MLXIP: variants seen among roughly 807,000 people sequenced by gnomAD.
The protein encoded by MLXIP is MLX-interacting protein.
Under a neutral mutation model 87.2 loss-of-function variants are expected in MLXIP, and 30 were observed. The observed-to-expected ratio is 0.34, with a 90% CI of 0.26 to 0.47. The LOEUF is 0.47. Ranked by LOEUF, MLXIP falls within the 20% of genes least tolerant of loss-of-function variation. The pLI is 1.00. For synonymous variants in MLXIP, 530 were observed against 514.0 expected (o/e 1.03, Z -0.42); for missense variants, 1,002 against 1,240.1 (o/e 0.81, Z 2.88).
intron 1 of MLXIP, among the ~76,000 whole-genome samples, chr12:122,087,635 G>A (rs1377358125): frequency 1.3e-5 from 2 of 152,240 alleles, no homozygotes; most frequent in South Asian, 2.1e-4. Context: ...AGGTAAGATA[G>A]AAGAGGCAAG....
intron 1 of MLXIP, among the ~76,000 whole-genome samples, chr12:122,113,948 G>A (rs1033695861): frequency 2.7e-5 from 4 of 149,876 alleles, no homozygotes; most frequent in African/African-American, 4.9e-5. Flanking sequence ...GCCTCCCAAA[G>A]TGCTGGGATT....
intron 1 of MLXIP, among the ~76,000 whole-genome samples, chr12:122,109,881 G>C (rs1283482240): frequency 1.3e-5 from 2 of 152,200 alleles, no homozygotes; most frequent in Non-Finnish European, 2.9e-5. Flanking sequence ...GTACAAAGTT[G>C]TTCGTATGCT....
chr12:122,078,887 C>T lies in MLXIP; in HGVS notation c.34C>T (p.Arg12Trp). The stretch of plus-strand genomic sequence containing the variant: ...CGACGTCTTCATGTGCTCCCCGCGC[C>T]GGCCTCGCAGCCGGGGCCGCCAGGT... Reference protein sequence around the residue: ...AADVFMCSPRRPRSRGRQVLL... With the variant: ...AADVFMCSPRWPRSRGRQVLL... Residue 12 changes from arginine to tryptophan, a missense_variant, in exon 1 of 17, where the codon CGG becomes TGG. Physicochemically the swap from Arg to Trp is moderately radical, Grantham distance 101. Transcript: ENST00000319080. The T allele has an allele frequency of 8.8e-7, 1 of 1,137,380 alleles. No homozygotes were observed. 70.5% of individuals were successfully genotyped at this position (1,137,380 alleles called of 1,614,324 possible).
At chr12:122,086,112 C>A (rs1303479455) in intron 1 of MLXIP, among the ~76,000 whole-genome samples, 2 of 152,150 alleles carry the variant, frequency 1.3e-5, no homozygotes, top group African/African-American at 4.8e-5. Context: ...GGAATATGGG[C>A]CCCTCAGAGC....
At chr12:122,110,600 T>C (rs769164638) in intron 1 of MLXIP, among the ~76,000 whole-genome samples, 20 of 151,724 alleles carry the variant, frequency 1.3e-4, no homozygotes, top group Non-Finnish European at 2.5e-4. Context: ...GAGACGCTTA[T>C]CTTTACCAAA....
At chr12:122,084,956 C>T (rs1952144357) in intron 1 of MLXIP, among the ~76,000 whole-genome samples, 1 of 152,168 alleles carries the variant, frequency 6.6e-6, no homozygotes, top group South Asian at 2.1e-4. Flanking sequence ...AACCAAAGCT[C>T]AGACGTTAAT....
intron 2 of MLXIP, 48 bp from the exon 3 acceptor site, chr12:122,127,835 C>G (rs770077141): frequency 1.3e-6 from 2 of 1,539,312 alleles, no homozygotes; most frequent in Admixed American, 1.7e-5. Flanking sequence ...CTGGGGCTCC[C>G]TCAGGGGTCT....
intron 1 of MLXIP, among the ~76,000 whole-genome samples, chr12:122,083,739 G>A (rs987979265): frequency 2.6e-5 from 4 of 152,196 alleles, no homozygotes; most frequent in African/African-American, 9.6e-5. Flanking sequence ...ATCAAAGCGG[G>A]AATCTGTGCC....
intron 14 of MLXIP, 89 bp from the exon 15 acceptor site, chr12:122,138,726 C>T (rs990746322): frequency 3.1e-5 from 48 of 1,534,566 alleles, no homozygotes; most frequent in East Asian, 9.5e-5. Flanking sequence ...GGCTGTGGCC[C>T]GGCACTGGGC....
Position 122,137,138 on chromosome 12 carries a change from A to C in MLXIP, c.2033-331A>C, listed in dbSNP as rs1184176308. 1.9e-5 allele frequency: 3 copies of C among 157,164 alleles called. No individual in the cohort carries two copies. In the Admixed American group the frequency reaches 1.9e-4, roughly 10 times the overall value. 9.7% of individuals were successfully genotyped at this position (157,164 alleles called of 1,614,324 possible). A position where few individuals can be genotyped will look rare whatever the true frequency, so the allele number is the denominator to read the frequency against. On this transcript the variant is annotated intron_variant, in intron 11 of 16. Transcript: ENST00000319080. The surrounding 1 kb of genome is among the most constrained non-coding windows in gnomAD (Gnocchi z 4.1). ...AATATAGTGAGACCTTGGCTCTATA[A>C]AAAATGTTTTTTAATTAAAAAATAT...
In MLXIP at chr12:122,143,510, G is replaced by A. The variant is rs1953247073; in HGVS notation, c.*1698G>A. 1 of 152,326 alleles carries A rather than the reference G, an allele frequency of 6.6e-6. No individual in the cohort carries two copies. The highest frequency in any genetic ancestry group is 2.1e-4 in the South Asian group (1 of 4,828). The allele number at this position is 152,326 out of a possible 1,614,324, so 9.4% of individuals were successfully genotyped here. On this transcript the variant is annotated 3_prime_UTR_variant, in exon 17 of 17. Coordinates refer to ENST00000319080, the MANE Select transcript of MLXIP (RefSeq NM_014938.6). ...GAATTTCCCCTGGAAAATGGTAACA[G>A]ACTCCATCCTTGACCCGGGGATGAG...
intron 3 of MLXIP, chr12:122,128,766 C>G: frequency 5.2e-6 from 1 of 191,246 alleles, no homozygotes; most frequent in Non-Finnish European, 1.1e-5. Flanking sequence ...TCATTTTTGC[C>G]CTTTGAATGT....
rs1953317602 is a variant in MLXIP, at chr12:122,147,153, G to A, written c.*5341G>A. ...TTTGAAGAGATGGTTCCACCTCGTGGTCTGAAGAACAAACCAGAGAAGAGT... is the reference window on the plus strand; with the variant it reads ...TTTGAAGAGATGGTTCCACCTCGTGATCTGAAGAACAAACCAGAGAAGAGT... On this transcript the variant is annotated 3_prime_UTR_variant, in exon 17 of 17. Coordinates refer to ENST00000319080, the MANE Select transcript of MLXIP (RefSeq NM_014938.6). 1 of 152,128 alleles carries A rather than the reference G, an allele frequency of 6.6e-6. No homozygotes were observed. Among genetic ancestry groups the A allele is most frequent in the Non-Finnish European group, 1.5e-5 (1 of 68,032 alleles). The allele number at this position is 152,128 out of a possible 1,614,324, so 9.4% of individuals were successfully genotyped here. A position where few individuals can be genotyped will look rare whatever the true frequency, so the allele number is the denominator to read the frequency against.
At chr12:122,106,102 G>A (rs1354619274) in intron 1 of MLXIP, among the ~76,000 whole-genome samples, 1 of 152,214 alleles carries the variant, frequency 6.6e-6, no homozygotes, top group Non-Finnish European at 1.5e-5. Flanking sequence ...TGTGGGTGGT[G>A]TTATCTCAAC....
chr12:122,135,194 T>C lies in MLXIP; in HGVS notation c.1733-30T>C. Reference sequence around the variant, plus strand: ...TGGGCCAGGCCCTGTGGCCCAGGGCTGCACCTGAACATCCTCCTTATCCTG... The same window carrying C: ...TGGGCCAGGCCCTGTGGCCCAGGGCCGCACCTGAACATCCTCCTTATCCTG... On this transcript the variant is annotated intron_variant, in intron 9 of 16. Transcript: ENST00000319080. This position sits in a 1 kb window ranked among gnomAD's most constrained non-coding sequence, Gnocchi z 5.3. 6.2e-7 allele frequency: 1 copy of C among 1,610,038 alleles called. No individual in the cohort carries two copies. The highest frequency in any genetic ancestry group is 8.5e-7 in the Non-Finnish European group (1 of 1,178,608).
intron 1 of MLXIP, among the ~76,000 whole-genome samples, chr12:122,115,588 CAAA>C (rs35318582): frequency 3.6e-5 from 4 of 110,734 alleles, no homozygotes; most frequent in African/African-American, 1.3e-4. Context: ...AACTCCTTCT[CAAA>C]AAAAAAAAAA....
At chr12:122,122,882 G>A (rs1160913108) in intron 1 of MLXIP, among the ~76,000 whole-genome samples, 1 of 147,948 alleles carries the variant, frequency 6.8e-6, no homozygotes, top group South Asian at 2.1e-4. Context: ...TTAAAGAGAC[G>A]AGGTCTTGTT....
chr12:122,112,884 G>T (rs1039047643), intron 1 of MLXIP, among the ~76,000 whole-genome samples: 3 of 152,132 alleles, frequency 2.0e-5, no homozygotes, highest in Non-Finnish European at 4.4e-5. Context: ...AAGGGAAGCC[G>T]TGAAAGTTCT....
chr12:122,131,936 TTTTTTG>T (rs1952987731), intron 7 of MLXIP, among the ~76,000 whole-genome samples: 1 of 138,182 alleles, frequency 7.2e-6, no homozygotes. Flanking sequence ...TTTTTTTTTT[TTTTTTG>T]AGACGGGAAT....
Sources: gnomAD v4.1 joint callset for allele counts (sites outside exome capture counted in the v4.1 genomes callset) on GRCh38, gnomAD v4.1.1 for gene constraint, Gnocchi (gnomAD v3.1) non-coding constraint, MANE v1.5 for transcripts, NCBI Gene and HGNC (gene_info 2026-07-23, HGNC 2026-07-21) for gene names.